The following DPH6 variants were observed in gnomAD, a reference collection of about 807,000 sequenced individuals.
DPH6 encodes diphthine--ammonia ligase.
A neutral mutation model predicts 38.2 loss-of-function variants in DPH6; 33 were observed. The observed-to-expected ratio is 0.86, with a 90% CI of 0.65 to 1.15. The LOEUF (loss-of-function observed/expected upper bound fraction) is 1.15, where lower values mean the gene tolerates loss of function less well. Ranked by LOEUF, DPH6 falls within the 50% of genes most tolerant of loss-of-function variation. The pLI, the probability that DPH6 is intolerant of heterozygous loss-of-function variation, is 0.00. For synonymous variants in DPH6, 108 were observed against 103.0 expected, an observed-to-expected ratio of 1.05 and a Z score of -0.30; for missense variants, 325 against 320.0, an observed-to-expected ratio of 1.02 and a Z score of -0.12.
At chr15:35,531,097 TA>T (rs2055080984) in intron 3 of DPH6, among the ~76,000 whole-genome samples, 1 of 152,204 alleles carries the variant, frequency 6.6e-6, no homozygotes, top group Non-Finnish European at 1.5e-5. Flanking sequence ...AAGTCCATCT[TA>T]TATGTTTCTC....
At chr15:35,361,616 C>G (rs534063979) in intron 3 of DPH6, among the ~76,000 whole-genome samples, 1 of 150,394 alleles carries the variant, frequency 6.6e-6, no homozygotes, top group East Asian at 2.0e-4. Flanking sequence ...ACTCTTCTTT[C>G]TTTTTTTCTC....
intron 3 of DPH6, among the ~76,000 whole-genome samples, chr15:35,332,302 T>C (rs998420031): frequency 3.3e-5 from 5 of 152,108 alleles, no homozygotes; most frequent in African/African-American, 1.2e-4. Flanking sequence ...GGCAAAAGGA[T>C]AAATTTGAAA....
intron 3 of DPH6, among the ~76,000 whole-genome samples, chr15:35,332,574 G>T (rs1301371961): frequency 3.3e-5 from 5 of 152,054 alleles, no homozygotes; most frequent in African/African-American, 1.2e-4. Context: ...AAATAGCTCA[G>T]GCCTTGGGGT....
intron 3 of DPH6, among the ~76,000 whole-genome samples, chr15:35,269,281 A>T (rs562794315): frequency 5.9e-5 from 9 of 152,190 alleles, no homozygotes; most frequent in Admixed American, 3.9e-4. Context: ...TCCTAAATTT[A>T]GTAGTTATTG....
chr15:35,146,077 G>C, the DPH6 span, among the ~76,000 whole-genome samples: 3 of 86,430 alleles, frequency 3.5e-5, no homozygotes, highest in East Asian at 1.2e-3. Flanking sequence ...TTCTGTGTGT[G>C]TGTGTGTGTG....
At chr15:35,306,704 AC>A (rs998262494) in intron 3 of DPH6, among the ~76,000 whole-genome samples, 1 of 152,204 alleles carries the variant, frequency 6.6e-6, no homozygotes, top group African/African-American at 2.4e-5. Flanking sequence ...CTGGCTTCAA[AC>A]TTTTGCTTTC....
the DPH6 span, among the ~76,000 whole-genome samples, chr15:35,170,161 C>G: frequency 2.0e-5 from 3 of 152,134 alleles, no homozygotes; most frequent in African/African-American, 4.8e-5. Context: ...AAATAAAAAC[C>G]AAAACTATCT....
intron 3 of DPH6, among the ~76,000 whole-genome samples, chr15:35,234,583 A>C (rs774047745): frequency 3.4e-4 from 52 of 152,232 alleles, no homozygotes; most frequent in Admixed American, 1.5e-3. Context: ...AATATTAACA[A>C]CACCCAAACT....
rs1427447299 is a variant in DPH6, at chr15:35,488,694, C to T, written c.313-33874G>A. Among the ~76,000 whole-genome samples, 3 of 151,736 alleles carry T rather than the reference C, an allele frequency of 2.0e-5. No homozygotes were observed. The East Asian group carries it at 5.8e-4, about 29-fold the overall frequency. On this transcript the variant is annotated intron_variant, in intron 3 of 8. Transcript: ENST00000256538. ...GAGACAAACCATATCAGTAGTTAAA[C>T]ATAATTTTGAAAAAGAAAACAGGAA...
At chr15:35,204,506 A>G in the DPH6 span, among the ~76,000 whole-genome samples, 7 of 151,924 alleles carry the variant, frequency 4.6e-5, no homozygotes, top group Non-Finnish European at 8.9e-5. Flanking sequence ...GTTGGAGGCC[A>G]TATATAATTC....
At chr15:35,228,283 T>G (rs144195701) in intron 3 of DPH6, among the ~76,000 whole-genome samples, 39 of 152,354 alleles carry the variant, frequency 2.6e-4, no homozygotes, top group African/African-American at 6.5e-4. Flanking sequence ...GTACTGCCCA[T>G]GTCTTGAAAA....
Position 35,254,952 on chromosome 15 carries a change from T to C in DPH6, n.201-34370A>G, listed in dbSNP as rs2051697857. ...GGAGACTACAAAGTACATTGATCAG[T>C]TAGGGTGGGGCAGGAACAAATCACA... On this transcript the variant is annotated intron_variant and non_coding_transcript_variant, in intron 3 of 3. Transcript: ENST00000560386. Among the ~76,000 whole-genome samples the C allele has an allele frequency of 3.3e-5, 5 of 152,152 alleles. No homozygotes were observed. The South Asian group carries it at 1.0e-3, about 32-fold the overall frequency.
intron 3 of DPH6, among the ~76,000 whole-genome samples, chr15:35,352,158 G>C (rs572748476): frequency 9.2e-5 from 14 of 151,850 alleles, no homozygotes; most frequent in Non-Finnish European, 1.6e-4. Flanking sequence ...TTCTGAGTTT[G>C]TCTTTATGTT....
At chr15:35,537,342 T>A (rs774229113) in intron 3 of DPH6, among the ~76,000 whole-genome samples, 2 of 152,030 alleles carry the variant, frequency 1.3e-5, no homozygotes, top group East Asian at 3.9e-4. Context: ...TTGTGAAAAA[T>A]GGCAAGACAT....
chr15:35,350,904 T>C (rs2052505000), intron 3 of DPH6, among the ~76,000 whole-genome samples: 1 of 152,168 alleles, frequency 6.6e-6, no homozygotes. Flanking sequence ...TATTCTGCTG[T>C]TGTTGGGTGG....
intron 3 of DPH6, among the ~76,000 whole-genome samples, chr15:35,250,176 TCAAAAAAAC>T (rs926840223): frequency 7.3e-5 from 11 of 150,660 alleles, no homozygotes; most frequent in African/African-American, 2.7e-4. Context: ...AGATTCTGTC[TCAAAAAAAC>T]CAAAAAAACA....
chr15:35,352,323 A>C (rs1039504056), intron 3 of DPH6, among the ~76,000 whole-genome samples: 8 of 151,628 alleles, frequency 5.3e-5, no homozygotes, highest in African/African-American at 2.0e-4. Flanking sequence ...GTACATGTGC[A>C]CAACGTGCAG....
chr15:35,297,963 A>T (rs1415536023), intron 3 of DPH6, among the ~76,000 whole-genome samples: 2 of 152,054 alleles, frequency 1.3e-5, no homozygotes, highest in Non-Finnish European at 2.9e-5. Flanking sequence ...TGTTAATTCT[A>T]CCTCCAGATT....
intron 3 of DPH6, among the ~76,000 whole-genome samples, chr15:35,229,229 T>C (rs922657347): frequency 6.6e-6 from 1 of 152,106 alleles, no homozygotes; most frequent in Non-Finnish European, 1.5e-5. Context: ...GTTTGCTTCA[T>C]TGTTTTGTTT....
Sources: allele counts gnomAD v4.1 joint callset (sites outside exome capture counted in the v4.1 genomes callset), GRCh38; gene constraint gnomAD v4.1.1; transcripts MANE v1.5; gene names NCBI Gene and HGNC (gene_info 2026-07-23, HGNC 2026-07-21).